The following ARHGEF10L variants were observed in gnomAD, a reference collection of about 807,000 sequenced individuals.
The protein encoded by ARHGEF10L is Rho guanine nucleotide exchange factor 10 like.
Under a neutral mutation model 141.2 loss-of-function variants are expected in ARHGEF10L, and 69 were observed. The observed-to-expected ratio is 0.49, with a 90% CI of 0.40 to 0.60. The LOEUF is 0.60. Among genes scored for constraint, ARHGEF10L ranks in the 20% least tolerant of loss-of-function variants. The pLI, the probability that ARHGEF10L is intolerant of heterozygous loss-of-function variation, is 0.00. For missense variants in ARHGEF10L, 1,482 were observed against 1,734.3 expected, an observed-to-expected ratio of 0.85 and a Z score of 2.58; for synonymous variants, 711 against 718.5, an observed-to-expected ratio of 0.99 and a Z score of 0.17.
chr1:17,664,351 G>T, intron 25 of ARHGEF10L, 96 bp from the exon 26 acceptor site: 1 of 1,360,340 alleles, frequency 7.4e-7, no homozygotes, highest in Non-Finnish European at 9.9e-7. Context: ...GAGAGGGTGT[G>T]GGGGGCCCTG....
At chr1:17,634,367 T>G in intron 16 of ARHGEF10L, 181 bp from the exon 17 acceptor site, 1 of 917,530 alleles carries the variant, frequency 1.1e-6, no homozygotes, top group Non-Finnish European at 1.7e-6. Context: ...GACCCAGAGA[T>G]GAAGGAAGGC....
rs927795683 is a variant in ARHGEF10L at position 17,621,390 on chromosome 1, G to T, written c.943-474G>T. 1.3e-5 allele frequency among the ~76,000 whole-genome samples: 2 copies of T among 151,978 alleles called. No homozygotes were observed. Among genetic ancestry groups the T allele is most frequent in the African/African-American group, 4.8e-5 (2 of 41,366 alleles). Reference sequence around the variant, plus strand: ...TGGGACTATAGGCGCGTGCCACCACGCCCAGCTGATTTTTGTATTTTTACT... The same window carrying T: ...TGGGACTATAGGCGCGTGCCACCACTCCCAGCTGATTTTTGTATTTTTACT... On this transcript the variant is annotated intron_variant, in intron 10 of 28. Transcript: ENST00000361221. The surrounding 1 kb of genome is among the most constrained non-coding windows in gnomAD (Gnocchi z 4.1).
At chr1:17,605,422 A>G (rs2081078248) in intron 6 of ARHGEF10L, among the ~76,000 whole-genome samples, 1 of 152,174 alleles carries the variant, frequency 6.6e-6, no homozygotes, top group Admixed American at 6.5e-5. Context: ...GTAATTGATG[A>G]GGACACTGAG....
rs956160418 is a variant in ARHGEF10L, at chr1:17,573,238, C to G, written c.-43-7315C>G. ...GCTGCCTGCAGCCTAAACACACTCT[C>G]ATGCTAAGTGGCGAGGGCCCAGCAG... On this transcript the variant is annotated intron_variant, in intron 1 of 28. Coordinates refer to ENST00000361221, the MANE Select transcript of ARHGEF10L (RefSeq NM_018125.4). The surrounding 1 kb of genome is among the most constrained non-coding windows in gnomAD (Gnocchi z 4.8). Among the ~76,000 whole-genome samples, 1 of 152,230 alleles carries G rather than the reference C, an allele frequency of 6.6e-6. No homozygotes were observed. Among genetic ancestry groups the G allele is most frequent in the African/African-American group, 2.4e-5 (1 of 41,468 alleles).
intron 1 of ARHGEF10L, among the ~76,000 whole-genome samples, chr1:17,544,071 G>A (rs907837214): frequency 1.3e-5 from 2 of 150,282 alleles, no homozygotes; most frequent in African/African-American, 4.9e-5. Flanking sequence ...CTCAGCCTCT[G>A]GGATTACAGT....
In ARHGEF10L at chr1:17,640,549, C is replaced by T. The variant is rs11800478; in HGVS notation, c.2272+247C>T. 8.1e-3 allele frequency among the ~76,000 whole-genome samples: 1,233 copies of T among 152,258 alleles called. 16 individuals are homozygous for T. The highest frequency in any genetic ancestry group is 0.028 in the African/African-American group (1,166 of 41,534). ...CCATCCAGGAATTGATGGAACTTGA[C>T]AGAAAGTAAATTAGTGGTTGCCAGG... is the stretch of plus-strand genomic sequence containing the variant. On this transcript the variant is annotated intron_variant, in intron 21 of 28. Coordinates refer to ENST00000361221, the MANE Select transcript of ARHGEF10L (RefSeq NM_018125.4).
At chr1:17,679,078 G>A (rs571636589) in intron 26 of ARHGEF10L, among the ~76,000 whole-genome samples, 4 of 152,304 alleles carry the variant, frequency 2.6e-5, no homozygotes, top group South Asian at 2.1e-4. Flanking sequence ...GACGTCCATC[G>A]CTCCATCCCT....
intron 1 of ARHGEF10L, among the ~76,000 whole-genome samples, chr1:17,559,677 T>C (rs868461345): frequency 1.3e-5 from 2 of 152,226 alleles, no homozygotes; most frequent in African/African-American, 4.8e-5. Flanking sequence ...CTCTTGGCCC[T>C]GGCCTTTTCC....
At chr1:17,529,892 T>C in the ARHGEF10L span, among the ~76,000 whole-genome samples, 21 of 141,838 alleles carry the variant, frequency 1.5e-4, no homozygotes, top group African/African-American at 5.6e-4. Flanking sequence ...GAGTGCAGTG[T>C]GACGATCTCG....
intron 16 of ARHGEF10L, among the ~76,000 whole-genome samples, chr1:17,633,698 A>G (rs1349146202): frequency 6.6e-6 from 1 of 152,156 alleles, no homozygotes; most frequent in African/African-American, 2.4e-5. Context: ...TATGGCTACC[A>G]TCACCGAAAT....
intron 27 of ARHGEF10L, among the ~76,000 whole-genome samples, chr1:17,691,595 A>G (rs1490166856): frequency 1.3e-5 from 2 of 152,168 alleles, no homozygotes; most frequent in African/African-American, 4.8e-5. Flanking sequence ...ATCTTAAGAC[A>G]TTAGCGTCCA....
chr1:17,680,086 C>A (rs1435877861), intron 26 of ARHGEF10L, among the ~76,000 whole-genome samples: 1 of 151,692 alleles, frequency 6.6e-6, no homozygotes, highest in Non-Finnish European at 1.5e-5. Flanking sequence ...CCTGCCCCTG[C>A]CCCTGCCCTG....
chr1:17,664,406 C>T, intron 25 of ARHGEF10L, 41 bp from the exon 26 acceptor site: 19 of 1,584,588 alleles, frequency 1.2e-5, no homozygotes, highest in Non-Finnish European at 1.6e-5. Flanking sequence ...GACCTGCTTG[C>T]CGCTCCTGGC....
upstream of ARHGEF10L, among the ~76,000 whole-genome samples, chr1:17,537,545 A>G (rs995120887): frequency 6.6e-6 from 1 of 152,128 alleles, no homozygotes; most frequent in African/African-American, 2.4e-5. Flanking sequence ...ACTAGGTGCT[A>G]TAGAGCTCAG....
intron 4 of ARHGEF10L, among the ~76,000 whole-genome samples, chr1:17,597,992 G>A (rs921355770): frequency 3.9e-5 from 6 of 152,166 alleles, no homozygotes; most frequent in Admixed American, 6.5e-5. Flanking sequence ...CGGTTAAAGC[G>A]TGCTGCAGCC....
chr1:17,590,446 G>A (rs10888042), intron 4 of ARHGEF10L, among the ~76,000 whole-genome samples: 60,556 of 151,898 alleles, frequency 0.4, 12,585 homozygotes, highest in East Asian at 0.53. Context: ...AAAAAGAGCC[G>A]GCTCTTCGCT....
At chr1:17,626,657 A>G (rs2060402954) in intron 14 of ARHGEF10L, among the ~76,000 whole-genome samples, 2 of 152,308 alleles carry the variant, frequency 1.3e-5, no homozygotes, top group African/African-American at 4.8e-5. Context: ...ATTTACCATC[A>G]TAACCATTTC....
At chr1:17,545,779 T>A (rs1170024527) in intron 1 of ARHGEF10L, among the ~76,000 whole-genome samples, 1 of 152,140 alleles carries the variant, frequency 6.6e-6, no homozygotes, top group Non-Finnish European at 1.5e-5. Flanking sequence ...GGTTGGAAGA[T>A]GGACATGTGC....
intron 27 of ARHGEF10L, chr1:17,691,198 T>A: frequency 4.5e-6 from 2 of 446,490 alleles, no homozygotes; most frequent in Non-Finnish European, 8.9e-6. Flanking sequence ...CTTGGGTGAG[T>A]TGAACACTGC....
Sources: allele counts gnomAD v4.1 joint callset (sites outside exome capture counted in the v4.1 genomes callset), GRCh38; gene constraint gnomAD v4.1.1; non-coding constraint Gnocchi (gnomAD v3.1); transcripts MANE v1.5; gene names NCBI Gene and HGNC (gene_info 2026-07-23, HGNC 2026-07-21).